RNF220: variants seen among roughly 807,000 people sequenced by gnomAD.
RNF220 encodes ring finger protein 220.
In RNF220, 7 loss-of-function variants were observed where a neutral mutation model predicts 67.1. The observed-to-expected ratio is 0.10, with a 90% confidence interval of 0.06 to 0.20. The LOEUF (loss-of-function observed/expected upper bound fraction) is 0.20, where lower values mean the gene tolerates loss of function less well. RNF220 is among the 10% of genes least tolerant of loss of function. The probability of loss-of-function intolerance (pLI) is 1.00; values close to 1 mark genes in which losing one functional copy is unlikely to be tolerated. For missense variants in RNF220, 565 were observed against 740.3 expected (o/e 0.76, Z 2.75); for synonymous variants, 270 against 283.2 (o/e 0.95, Z 0.47).
At chr1:44,583,795 A>G (rs1665492625) in intron 2 of RNF220, among the ~76,000 whole-genome samples, 1 of 152,204 alleles carries the variant, frequency 6.6e-6, no homozygotes, top group African/African-American at 2.4e-5. Context: ...TGTGCCTCTC[A>G]TTCCAAATTG....
chr1:44,541,319 T>A (rs1661654935), intron 2 of RNF220, among the ~76,000 whole-genome samples: 1 of 152,142 alleles, frequency 6.6e-6, no homozygotes, highest in Non-Finnish European at 1.5e-5. Flanking sequence ...TCCCAGCTAC[T>A]CGGGAGGCTG....
At chr1:44,498,332 C>T (rs544245181) in intron 2 of RNF220, among the ~76,000 whole-genome samples, 3 of 152,080 alleles carry the variant, frequency 2.0e-5, no homozygotes, top group Non-Finnish European at 4.4e-5. Flanking sequence ...CAAGAGTGTA[C>T]CAGGACCGAT....
chr1:44,571,816 T>C (rs1456150977), intron 2 of RNF220, among the ~76,000 whole-genome samples: 1 of 152,240 alleles, frequency 6.6e-6, no homozygotes, highest in African/African-American at 2.4e-5. Flanking sequence ...TTCTCCCTTC[T>C]TTAGCTCCCA....
chr1:44,437,067 A>G (rs570755716), intron 2 of RNF220, among the ~76,000 whole-genome samples: 25 of 152,182 alleles, frequency 1.6e-4, no homozygotes, highest in South Asian at 4.1e-4. Flanking sequence ...TTAGAGCACA[A>G]TTTTGCTTAT....
At chr1:44,434,700 G>A (rs1200331499) in intron 2 of RNF220, among the ~76,000 whole-genome samples, 1 of 141,928 alleles carries the variant, frequency 7.0e-6, no homozygotes, top group Non-Finnish European at 1.5e-5. Context: ...CTGGGCGACA[G>A]AGCGAGACTC....
chr1:44,541,498 A>G (rs553991843), intron 2 of RNF220, among the ~76,000 whole-genome samples: 1 of 152,392 alleles, frequency 6.6e-6, no homozygotes, highest in South Asian at 2.1e-4. Context: ...ATCCAGGTCC[A>G]TCTCACAACA....
At chr1:44,424,060 C>T (rs898455214) in intron 2 of RNF220, 2 of 975,222 alleles carry the variant, frequency 2.1e-6, no homozygotes, top group Non-Finnish European at 2.4e-6. Context: ...GTGTGTAGAG[C>T]GTTGTGCTCG....
intron 2 of RNF220, among the ~76,000 whole-genome samples, chr1:44,520,085 TTGTG>T (rs1167831790): frequency 0.012 from 1,227 of 106,410 alleles, 22 homozygotes; most frequent in African/African-American, 0.031. Context: ...AAGTCCAGCA[TTGTG>T]TGTGTGTGTG....
At chr1:44,646,835 CTG>C (rs1397995499) in intron 12 of RNF220, among the ~76,000 whole-genome samples, 4 of 152,222 alleles carry the variant, frequency 2.6e-5, no homozygotes, top group African/African-American at 7.2e-5. Flanking sequence ...TCTGCTGAGA[CTG>C]GGGCCCATCA....
chr1:44,599,773 G>A (rs1044381018), intron 2 of RNF220, among the ~76,000 whole-genome samples: 1 of 152,222 alleles, frequency 6.6e-6, no homozygotes, highest in Non-Finnish European at 1.5e-5. Flanking sequence ...TCCAGCCAGA[G>A]CACACACTAT....
chr1:44,613,520 C>T (rs1044419683), intron 2 of RNF220, among the ~76,000 whole-genome samples: 2 of 152,092 alleles, frequency 1.3e-5, no homozygotes, highest in Non-Finnish European at 2.9e-5. Flanking sequence ...TTTGGGAGGC[C>T]AAGATGAGAG....
intron 1 of RNF220, among the ~76,000 whole-genome samples, chr1:44,411,266 C>T (rs1557897570): frequency 6.6e-6 from 1 of 152,126 alleles, no homozygotes. Flanking sequence ...AGGTTTTGTT[C>T]CTTCTCAGAA....
intron 2 of RNF220, among the ~76,000 whole-genome samples, chr1:44,441,893 G>T (rs1256529945): frequency 2.0e-5 from 3 of 152,164 alleles, no homozygotes; most frequent in East Asian, 3.8e-4. Context: ...CACAGATATG[G>T]AAACAGCCAA....
chr1:44,405,377 ACTG>A lies in RNF220; in HGVS notation c.-254_-252del, dbSNP rs111665631. On this transcript the variant is annotated 5_prime_UTR_variant, in exon 1 of 15. Transcript: ENST00000361799. ...AACACAAACCCGGGGCCAGCCGCCT[ACTG>A]CTGCTGCTGCTGCTGCCGCTGCCGC... 1,156 of 601,658 alleles carry A rather than the reference ACTG, an allele frequency of 1.9e-3. No homozygotes were observed. Among genetic ancestry groups the A allele is most frequent in the South Asian group, 4.0e-3 (223 of 55,596 alleles). The allele number at this position is 601,658 out of a possible 1,614,324, so 37.3% of individuals were successfully genotyped here.
At chr1:44,604,635 C>G (rs556040301) in intron 2 of RNF220, among the ~76,000 whole-genome samples, 1 of 152,254 alleles carries the variant, frequency 6.6e-6, no homozygotes, top group Non-Finnish European at 1.5e-5. Flanking sequence ...CCAGCTTGAG[C>G]CCAAGTCTGA....
At chr1:44,407,115 G>T (rs1209375852) in intron 1 of RNF220, among the ~76,000 whole-genome samples, 2 of 152,178 alleles carry the variant, frequency 1.3e-5, no homozygotes, top group African/African-American at 4.8e-5. Context: ...TAGGTGTGGG[G>T]GCACAGCCCT....
At chr1:44,432,947 GTC>G (rs1435360783) in intron 2 of RNF220, among the ~76,000 whole-genome samples, 1 of 139,450 alleles carries the variant, frequency 7.2e-6, no homozygotes, top group Non-Finnish European at 1.5e-5. Context: ...TCAATTTTGA[GTC>G]TCTCTCTGTT....
intron 2 of RNF220, among the ~76,000 whole-genome samples, chr1:44,518,868 C>G (rs977959764): frequency 6.6e-6 from 1 of 150,538 alleles, no homozygotes; most frequent in Admixed American, 6.6e-5. Context: ...GAGCAAGACT[C>G]CGTCTAAAAA....
chr1:44,639,034 A>C (rs1197930324), intron 8 of RNF220, among the ~76,000 whole-genome samples: 16 of 152,232 alleles, frequency 1.1e-4, no homozygotes. Context: ...AGGACAGCAC[A>C]CAGAGCCTAG....
Sources: allele counts gnomAD v4.1 joint callset (sites outside exome capture counted in the v4.1 genomes callset), GRCh38; gene constraint gnomAD v4.1.1; transcripts MANE v1.5; gene names NCBI Gene and HGNC (gene_info 2026-07-23, HGNC 2026-07-21).